Variants in PRMT5 observed in about 807,000 individuals in gnomAD.
PRMT5 encodes protein arginine methyltransferase 5, also known as protein arginine N-methyltransferase 5.
PRMT5 carries 15 observed loss-of-function variants against 84.0 expected under a neutral mutation model. That is an observed-to-expected ratio of 0.18 (90% CI 0.12 to 0.28). The LOEUF (loss-of-function observed/expected upper bound fraction) is 0.28, where lower values mean the gene tolerates loss of function less well. PRMT5 is among the 10% of genes least tolerant of loss of function. The probability of loss-of-function intolerance (pLI) is 1.00; values close to 1 mark genes in which losing one functional copy is unlikely to be tolerated. For synonymous variants in PRMT5, 276 were observed against 292.4 expected, an observed-to-expected ratio of 0.94 and a Z score of 0.57; for missense variants, 486 against 808.0, an observed-to-expected ratio of 0.60 and a Z score of 4.83.
intron 4 of PRMT5, 135 bp from the exon 5 acceptor site, chr14:22,926,949 G>A (rs2044433682): frequency 4.6e-6 from 3 of 650,958 alleles, no homozygotes; most frequent in Non-Finnish European, 2.8e-6. Context: ...AATTTTGTAA[G>A]TGAACATGTA....
chr14:22,922,877 C>T (rs375548859), intron 13 of PRMT5, 42 bp from the exon 14 acceptor site: 159 of 1,576,756 alleles, frequency 1.0e-4, no homozygotes, highest in Non-Finnish European at 1.3e-4. Flanking sequence ...GGGGAAGACA[C>T]ACAAGAGAGA....
chr14:22,927,726 G>A (rs1284213139), intron 3 of PRMT5, 66 bp from the exon 4 acceptor site: 23 of 1,065,982 alleles, frequency 2.2e-5, no homozygotes, highest in Non-Finnish European at 2.8e-5. Flanking sequence ...TTTTTTTTTT[G>A]AGACAAAGTC....
In PRMT5 at chr14:22,928,918, A is replaced by C; in HGVS notation, c.111-303T>G. ...AGACCATCACATCCAGATTTGCCCCAGTTCTGCCCATGCCTCCCCCGTCAA... is the reference window on the plus strand; with the variant it reads ...AGACCATCACATCCAGATTTGCCCCCGTTCTGCCCATGCCTCCCCCGTCAA... On this transcript the variant is annotated intron_variant, in intron 1 of 16. Transcript: ENST00000324366. This position sits in a 1 kb window ranked among gnomAD's most constrained non-coding sequence, Gnocchi z 4.8. The C allele has an allele frequency of 1.7e-6, 1 of 604,784 alleles. No homozygotes were observed. The highest frequency in any genetic ancestry group is 2.9e-6 in the Non-Finnish European group (1 of 343,230). The allele number at this position is 604,784 out of a possible 1,614,324, so 37.5% of individuals were successfully genotyped here. A position where few individuals can be genotyped will look rare whatever the true frequency, so the allele number is the denominator to read the frequency against.
intron 7 of PRMT5, among the ~76,000 whole-genome samples, chr14:22,925,417 A>C (rs890420393): frequency 4.6e-5 from 7 of 151,648 alleles, no homozygotes; most frequent in Non-Finnish European, 1.0e-4. Flanking sequence ...TCAGCCTCCC[A>C]AAGTCCTGGG....
At position 22,920,994 on chromosome 14, in the gene PRMT5, G is replaced by C. The variant is rs1404882175; in HGVS notation, c.1824C>G (p.Ser608=). The C allele has an allele frequency of 6.2e-7, 1 of 1,614,078 alleles. No homozygotes were observed. The highest frequency in any genetic ancestry group is 2.2e-5 in the East Asian group (1 of 44,898). Residue 608 remains serine (S), a synonymous_variant, in exon 17 of 17, where the codon TCC becomes TCG. Transcript: ENST00000324366. The part of the protein sequence containing the change: ...ICVRFWRCSN[S]KKVWYEWAVT... Reference sequence around the variant, plus strand: ...CAGCCCACTCATACCACACCTTCTTGGAATTGCTGCATCGCCAGAAACGCA... The same window carrying C: ...CAGCCCACTCATACCACACCTTCTTCGAATTGCTGCATCGCCAGAAACGCA...
intron 13 of PRMT5, 67 bp downstream of exon 13, chr14:22,922,984 G>T: frequency 1.4e-6 from 2 of 1,438,952 alleles, no homozygotes; most frequent in Non-Finnish European, 1.9e-6. Context: ...GAAAATAGCT[G>T]ATGCAAATAC....
Position 22,923,970 on chromosome 14 carries a change from C to A in PRMT5, c.1375+38G>T. ...CCTCCTCCCAGGTTGCTGTCTCACC[C>A]ATCATCACCCTCCACCTACACCCCA... On this transcript the variant is annotated intron_variant, in intron 12 of 16. Coordinates refer to ENST00000324366, the MANE Select transcript of PRMT5 (RefSeq NM_006109.5). The surrounding 1 kb of genome is among the most constrained non-coding windows in gnomAD (Gnocchi z 5.2). 1 of 1,524,426 alleles carries A rather than the reference C, an allele frequency of 6.6e-7. No homozygotes were observed. The highest frequency in any genetic ancestry group is 2.2e-5 in the Admixed American group (1 of 45,794). 94.4% of individuals were successfully genotyped at this position (1,524,426 alleles called of 1,614,324 possible). A position where few individuals can be genotyped will look rare whatever the true frequency, so the allele number is the denominator to read the frequency against.
chr14:22,923,093 G>A lies in PRMT5; in HGVS notation c.1443C>T (p.Tyr481=). Reference sequence around the variant, plus strand: ...TCTCCCTACAGGCTCGGACCTCATTGTACAGCTTGGAGGAAGAGATGGGAG... The same window carrying A: ...TCTCCCTACAGGCTCGGACCTCATTATACAGCTTGGAGGAAGAGATGGGAG... The part of the protein sequence containing the change: ...FLAPISSSKL[Y]NEVRACREKD... Residue 481 remains tyrosine (Y), a synonymous_variant, in exon 13 of 17, where the codon TAC becomes TAT. Coordinates refer to ENST00000324366, the MANE Select transcript of PRMT5 (RefSeq NM_006109.5). The surrounding 1 kb of genome is among the most constrained non-coding windows in gnomAD (Gnocchi z 5.2). 3 of 1,613,296 alleles carry A rather than the reference G, an allele frequency of 1.9e-6. No homozygotes were observed. The highest frequency in any genetic ancestry group is 2.5e-6 in the Non-Finnish European group (3 of 1,179,780).
In PRMT5 at chr14:22,924,732, A is replaced by G. The variant is rs1566633020; in HGVS notation, c.940-23T>C. 6.2e-7 allele frequency: 1 copy of G among 1,610,678 alleles called. No individual in the cohort carries two copies. Among genetic ancestry groups the G allele is most frequent in the Non-Finnish European group, 8.5e-7 (1 of 1,177,528 alleles). ...TGGCTGATGAATGAGGAAAAGGACA[A>G]AGTTAGCCAGTTTCTGGCAAAGGAC... On this transcript the variant is annotated intron_variant, in intron 8 of 16. Coordinates refer to ENST00000324366, the MANE Select transcript of PRMT5 (RefSeq NM_006109.5). This position sits in a 1 kb window ranked among gnomAD's most constrained non-coding sequence, Gnocchi z 6.5.
rs144497406 is a variant in PRMT5, at chr14:22,928,742, G to A, written c.111-127C>T. On this transcript the variant is annotated intron_variant, in intron 1 of 16. Transcript: ENST00000324366. This position sits in a 1 kb window ranked among gnomAD's most constrained non-coding sequence, Gnocchi z 4.8. ...TGCCATCAGTTCAGCCTACTAGGCT[G>A]CTGAGTTCAGACCACCTTGGGGGAT... 1.0e-4 allele frequency: 81 copies of A among 793,774 alleles called. No individual in the cohort carries two copies. The highest frequency in any genetic ancestry group is 1.7e-4 in the Non-Finnish European group (76 of 455,346). 49.2% of individuals were successfully genotyped at this position (793,774 alleles called of 1,614,324 possible).
rs766848816 is a variant in PRMT5, at chr14:22,922,437, A to G, written c.1696+6T>C. On this transcript the variant is annotated splice_donor_region_variant and intron_variant, in intron 15 of 16. Coordinates refer to ENST00000324366, the MANE Select transcript of PRMT5 (RefSeq NM_006109.5). ...TACTCTGCCATCTACTGCCATAGACACTCACTCAGAGTGATGTCCTGATAA... is the reference window on the plus strand; with the variant it reads ...TACTCTGCCATCTACTGCCATAGACGCTCACTCAGAGTGATGTCCTGATAA... The G allele has an allele frequency of 1.9e-6, 3 of 1,598,490 alleles. No homozygotes were observed. The highest frequency in any genetic ancestry group is 2.7e-5 in the African/African-American group (2 of 74,676).
At chr14:22,925,145 A>G in intron 7 of PRMT5, 105 bp from the exon 8 acceptor site, 1 of 1,187,534 alleles carries the variant, frequency 8.4e-7, no homozygotes, top group Admixed American at 2.8e-5. Context: ...CCAGATCAAC[A>G]GTTCTCTTTT....
chr14:22,922,632 C>T, intron 14 of PRMT5, 73 bp from the exon 15 acceptor site: 1 of 1,518,840 alleles, frequency 6.6e-7, no homozygotes, highest in Non-Finnish European at 9.1e-7. Flanking sequence ...TGAGCAAGAC[C>T]CAGGAAAGGA....
At position 22,928,475 on chromosome 14, in the gene PRMT5, G is replaced by A; in HGVS notation, c.229+22C>T. 6.5e-7 allele frequency: 1 copy of A among 1,532,602 alleles called. No homozygotes were observed. The highest frequency in any genetic ancestry group is 9.0e-7 in the Non-Finnish European group (1 of 1,105,892). The allele number at this position is 1,532,602 out of a possible 1,614,324, so 94.9% of individuals were successfully genotyped here. On this transcript the variant is annotated intron_variant, in intron 2 of 16. Coordinates refer to ENST00000324366, the MANE Select transcript of PRMT5 (RefSeq NM_006109.5). The surrounding 1 kb of genome is among the most constrained non-coding windows in gnomAD (Gnocchi z 4.8). ...GTTGTTATTGCCTCTAATAATTAAGGGGCATATGGGATGGTCCCTACCCCT... is the reference window on the plus strand; with the variant it reads ...GTTGTTATTGCCTCTAATAATTAAGAGGCATATGGGATGGTCCCTACCCCT...
rs753096989 is a variant in PRMT5, at chr14:22,926,804, C to T, written c.461G>A (p.Arg154Gln). The T allele has an allele frequency of 1.2e-6, 2 of 1,612,864 alleles. No individual in the cohort carries two copies. Among genetic ancestry groups the T allele is most frequent in the Non-Finnish European group, 1.7e-6 (2 of 1,178,834 alleles). Reference protein sequence around the residue: ...TGHHSSMFWMRVPLVAPEDLR... With the variant: ...TGHHSSMFWMQVPLVAPEDLR... The stretch of plus-strand genomic sequence containing the variant: ...GTCCTCTGGTGCCACCAAGGGTACC[C>T]GCATCCAGAACTGCACATGAACAGT... The change falls in exon 5 of 17, where the codon CGG (arginine) becomes CAG (glutamine). Residue 154 changes from arginine to glutamine, a missense_variant. By Grantham distance (43) the Arg-to-Gln change is conservative. Around this residue, in one of 4 missense-constraint regions of PRMT5, gnomAD observed 215 missense variants for 301.1 expected, o/e 0.71. Coordinates refer to ENST00000324366, the MANE Select transcript of PRMT5 (RefSeq NM_006109.5).
At chr14:22,925,165 T>TA (rs1566633537) in intron 7 of PRMT5, 125 bp from the exon 8 acceptor site, 22 of 853,196 alleles carry the variant, frequency 2.6e-5, no homozygotes, top group Middle Eastern at 3.9e-4. Flanking sequence ...TTTTTTTTTT[T>TA]TAAAAAAAAA....
intron 4 of PRMT5, 86 bp from the exon 5 acceptor site, chr14:22,926,900 A>G: frequency 1.1e-6 from 1 of 892,266 alleles, no homozygotes; most frequent in East Asian, 2.4e-5. Context: ...AACTTCATCC[A>G]GACCTCGTTA....
At chr14:22,921,101 A>G in intron 16 of PRMT5, 45 bp from the exon 17 acceptor site, 1 of 1,605,834 alleles carries the variant, frequency 6.2e-7, no homozygotes, top group Non-Finnish European at 8.5e-7. Context: ...GCTATGAATT[A>G]TACATGGCAA....
chr14:22,926,880 C>A, intron 4 of PRMT5, 66 bp from the exon 5 acceptor site: 2 of 1,183,252 alleles, frequency 1.7e-6, no homozygotes, highest in South Asian at 2.5e-5. Flanking sequence ...AAGTTTCCCT[C>A]AATAAAAAAA....
Sources: allele counts gnomAD v4.1 joint callset (sites outside exome capture counted in the v4.1 genomes callset), GRCh38; gene constraint gnomAD v4.1.1; regional missense constraint gnomAD v4.1.1; non-coding constraint Gnocchi (gnomAD v3.1); transcripts MANE v1.5; gene names NCBI Gene and HGNC (gene_info 2026-07-23, HGNC 2026-07-21).